NUMB: variants seen among roughly 807,000 people sequenced by gnomAD.
The protein encoded by NUMB is NUMB endocytic adaptor protein.
Under a neutral mutation model 59.7 loss-of-function variants are expected in NUMB, and 29 were observed. That is an observed-to-expected ratio of 0.49 (90% confidence interval 0.36 to 0.66). The LOEUF is 0.66. Among genes scored for constraint, NUMB ranks in the 30% least tolerant of loss-of-function variants. NUMB has a pLI of 0.00. For missense variants in NUMB, 723 were observed against 822.0 expected (o/e 0.88, Z 1.47); for synonymous variants, 288 against 288.2 (o/e 1.00, Z 0.01).
At position 73,446,604 on chromosome 14, in the gene NUMB, C is replaced by CAA. The variant is rs1281721972; in HGVS notation, c.-233+11887_-233+11888dup. On this transcript the variant is annotated intron_variant, in intron 1 of 12. Transcript: ENST00000555238. Reference sequence around the variant, plus strand: ...TGGGCGACAGAGTGCGACTTTGTCTCAAAAAAAAAAAAAAAAATCCTTAAC... The same window carrying CAA: ...TGGGCGACAGAGTGCGACTTTGTCTCAAAAAAAAAAAAAAAAAAATCCTTAAC... Among the ~76,000 whole-genome samples the CAA allele has an allele frequency of 1.3e-3, 129 of 97,648 alleles. 1 individual carries two copies. The highest frequency in any genetic ancestry group is 4.0e-3 in the African/African-American group (118 of 29,344). The allele number at this position is 97,648 out of a possible 152,430, so 64.1% of individuals were successfully genotyped here.
intron 4 of NUMB, among the ~76,000 whole-genome samples, chr14:73,331,070 C>T (rs1300679384): frequency 6.6e-6 from 1 of 151,976 alleles, no homozygotes; most frequent in Non-Finnish European, 1.5e-5. Flanking sequence ...TTCATAGTCT[C>T]TTCTATGGTC....
At chr14:73,414,003 G>A (rs1204612057) in intron 1 of NUMB, among the ~76,000 whole-genome samples, 1 of 147,340 alleles carries the variant, frequency 6.8e-6, no homozygotes, top group African/African-American at 2.5e-5. Flanking sequence ...CACCCAGGCT[G>A]GAGTGCAGTG....
chr14:73,406,422 A>G (rs71427187), intron 2 of NUMB, among the ~76,000 whole-genome samples: 252 of 151,732 alleles, frequency 1.7e-3, no homozygotes, highest in South Asian at 2.9e-3. Flanking sequence ...AAGGACATGA[A>G]CTCATCCTTT....
At chr14:73,418,749 C>A (rs1456145847) in intron 1 of NUMB, among the ~76,000 whole-genome samples, 2 of 147,884 alleles carry the variant, frequency 1.4e-5, no homozygotes, top group Non-Finnish European at 3.0e-5. Flanking sequence ...CCAGCCTGGA[C>A]AACAAGAGCA....
At chr14:73,292,670 A>G in intron 8 of NUMB, 64 bp downstream of exon 8, 1 of 1,563,266 alleles carries the variant, frequency 6.4e-7, no homozygotes, top group Non-Finnish European at 8.7e-7. Context: ...TTGGCTGAGC[A>G]AACCCAGAAA....
At chr14:73,277,906 A>C (rs1445008831) in intron 12 of NUMB, among the ~76,000 whole-genome samples, 4 of 151,980 alleles carry the variant, frequency 2.6e-5, no homozygotes, top group Non-Finnish European at 5.9e-5. Flanking sequence ...AAAAATACAA[A>C]AATTAGCTGG....
At position 73,423,553 on chromosome 14, in the gene NUMB, A is replaced by C. The variant is rs1413433278; in HGVS notation, c.-232-13485T>G. 2.0e-5 allele frequency among the ~76,000 whole-genome samples: 3 copies of C among 152,092 alleles called. 1 individual carries two copies. The highest frequency in any genetic ancestry group is 7.2e-5 in the African/African-American group (3 of 41,428). Reference sequence around the variant, plus strand: ...GCTCTTGGGAGGCTGAGGCAGGAGAACGGCTTGAACCCAGGAGGTGGAGGT... The same window carrying C: ...GCTCTTGGGAGGCTGAGGCAGGAGACCGGCTTGAACCCAGGAGGTGGAGGT... On this transcript the variant is annotated intron_variant, in intron 1 of 12. Transcript: ENST00000555238.
At chr14:73,287,063 TG>T (rs1340075550) in intron 9 of NUMB, 46 bp downstream of exon 9, 1 of 1,563,556 alleles carries the variant, frequency 6.4e-7, no homozygotes, top group Non-Finnish European at 8.8e-7. Context: ...AATACCTTGT[TG>T]GGAAAAACTG....
chr14:73,345,056 T>C (rs1489037689), intron 4 of NUMB, among the ~76,000 whole-genome samples: 1 of 152,196 alleles, frequency 6.6e-6, no homozygotes, highest in East Asian at 1.9e-4. Flanking sequence ...TTTATGTTCA[T>C]CACAGCACTA....
chr14:73,341,945 C>T lies in NUMB; in HGVS notation c.126+13681G>A, dbSNP rs368907998. Reference sequence around the variant, plus strand: ...ACTATTCCCTTACAACATCATGTAACAGAAATCTTACTGCATACTAGGCCA... The same window carrying T: ...ACTATTCCCTTACAACATCATGTAATAGAAATCTTACTGCATACTAGGCCA... On this transcript the variant is annotated intron_variant, in intron 4 of 12. Transcript: ENST00000555238. 8.5e-5 allele frequency among the ~76,000 whole-genome samples: 13 copies of T among 152,206 alleles called. No homozygotes were observed. In the East Asian group the frequency reaches 2.3e-3, roughly 27 times the overall value.
intron 2 of NUMB, among the ~76,000 whole-genome samples, chr14:73,387,273 C>T (rs550802887): frequency 1.3e-5 from 2 of 152,084 alleles, no homozygotes; most frequent in African/African-American, 2.4e-5. Flanking sequence ...ATGTGTCATG[C>T]GAAGGAATCA....
chr14:73,289,553 C>T (rs564396436), intron 8 of NUMB, among the ~76,000 whole-genome samples: 1 of 152,200 alleles, frequency 6.6e-6, no homozygotes, highest in Non-Finnish European at 1.5e-5. Flanking sequence ...CGGCTCTGAA[C>T]AAGTCGTCTC....
At chr14:73,311,145 C>A (rs1890755734) in intron 6 of NUMB, among the ~76,000 whole-genome samples, 1 of 152,016 alleles carries the variant, frequency 6.6e-6, no homozygotes, top group African/African-American at 2.4e-5. Context: ...TCTGCCTACC[C>A]CCGGTGTTCA....
chr14:73,406,225 C>T (rs1896666528), intron 2 of NUMB, among the ~76,000 whole-genome samples: 2 of 150,484 alleles, frequency 1.3e-5, no homozygotes, highest in East Asian at 3.9e-4. Flanking sequence ...GGTAAATCTC[C>T]TAATGCTATC....
chr14:73,334,248 G>A (rs1892163804), intron 4 of NUMB, among the ~76,000 whole-genome samples: 1 of 151,988 alleles, frequency 6.6e-6, no homozygotes, highest in South Asian at 2.1e-4. Flanking sequence ...TGCTATTTTT[G>A]TGCCTATTTG....
chr14:73,404,308 C>G (rs1400475192), intron 2 of NUMB, among the ~76,000 whole-genome samples: 1 of 150,872 alleles, frequency 6.6e-6, no homozygotes, highest in Non-Finnish European at 1.5e-5. Context: ...AAAACAAAAG[C>G]CCTGGAACGT....
At chr14:73,450,917 C>T (rs1883888798) in intron 1 of NUMB, among the ~76,000 whole-genome samples, 2 of 151,922 alleles carry the variant, frequency 1.3e-5, no homozygotes, top group Non-Finnish European at 1.5e-5. Flanking sequence ...TTTGGGAGGC[C>T]GAGGCAGGAG....
At chr14:73,371,620 T>A (rs1245510224) in intron 2 of NUMB, among the ~76,000 whole-genome samples, 2 of 152,166 alleles carry the variant, frequency 1.3e-5, no homozygotes, top group Non-Finnish European at 2.9e-5. Context: ...GTGTTATGAC[T>A]TGAATAGGTC....
chr14:73,376,541 A>C (rs74960008), intron 2 of NUMB, among the ~76,000 whole-genome samples: 1 of 149,808 alleles, frequency 6.7e-6, no homozygotes. Context: ...AAAAAAAAAA[A>C]CAAGTAAAAA....
Sources: gnomAD v4.1 joint callset for allele counts (sites outside exome capture counted in the v4.1 genomes callset) on GRCh38, gnomAD v4.1.1 for gene constraint, MANE v1.5 for transcripts, NCBI Gene and HGNC (gene_info 2026-07-23, HGNC 2026-07-21) for gene names.